The following FAM187B variants were observed in gnomAD, a reference collection of about 807,000 sequenced individuals.
FAM187B encodes the protein family with sequence similarity 187 member B, also known as protein FAM187B.
In FAM187B, 22 loss-of-function variants were observed where a neutral mutation model predicts 22.6. The observed-to-expected ratio is 0.97, with a 90% confidence interval of 0.70 to 1.39. FAM187B has a LOEUF of 1.39. FAM187B is among the 40% of genes most tolerant of loss of function. The pLI, the probability that FAM187B is intolerant of heterozygous loss-of-function variation, is 0.00. For synonymous variants in FAM187B, 192 were observed against 201.8 expected (o/e 0.95, Z 0.41); for missense variants, 433 against 462.1 (o/e 0.94, Z 0.58).
Position 35,228,651 on chromosome 19 carries a change from G to A in FAM187B, c.30C>T (p.His10=). The part of the protein sequence containing the change: MPPMLWLLL[H]FAAPALGFYF... ...AGAACCCCAGTGCCGGGGCAGCAAA[G>A]TGGAGCAGCAGCCACAGCATGGGTG... The change falls in exon 1 of 2, where the codon CAC becomes CAT. Residue 10 remains histidine (H), a synonymous_variant. Transcript: ENST00000324675. The A allele has an allele frequency of 6.2e-7, 1 of 1,611,940 alleles. No individual in the cohort carries two copies. The highest frequency in any genetic ancestry group is 8.5e-7 in the Non-Finnish European group (1 of 1,179,432).
intron 1 of FAM187B, among the ~76,000 whole-genome samples, chr19:35,227,366 C>T (rs999035123): frequency 7.9e-5 from 12 of 152,006 alleles, no homozygotes; most frequent in African/African-American, 2.9e-4. Flanking sequence ...ATTACAGGCA[C>T]GTGCCACCAT....
chr19:35,226,771 C>T (rs1047188210), intron 1 of FAM187B, among the ~76,000 whole-genome samples: 3 of 152,234 alleles, frequency 2.0e-5, no homozygotes, highest in East Asian at 1.9e-4. Context: ...TAACACATCA[C>T]AATGACCCTG....
chr19:35,226,711 G>A (rs2065662704), intron 1 of FAM187B, among the ~76,000 whole-genome samples: 1 of 152,118 alleles, frequency 6.6e-6, no homozygotes, highest in South Asian at 2.1e-4. Context: ...GTACATTGTG[G>A]AACTTCTTAT....
chr19:35,228,614 T>TTTTACC lies in FAM187B; in HGVS notation c.66_67insGGTAAA (p.Ile22_Ser23insGlyLys). 1 of 1,613,914 alleles carries TTTTACC rather than the reference T, an allele frequency of 6.2e-7. No homozygotes were observed. The highest frequency in any genetic ancestry group is 8.5e-7 in the Non-Finnish European group (1 of 1,180,000). On this transcript the variant is annotated inframe_insertion, in exon 1 of 2. Coordinates refer to ENST00000324675, the MANE Select transcript of FAM187B (RefSeq NM_152481.2). Reference sequence around the variant, plus strand: ...TGGCACTGCTTACCACTGGGGCAGCTGATGGAAAAGTAGAACCCCAGTGCC... The same window carrying TTTTACC: ...TGGCACTGCTTACCACTGGGGCAGCTTTTACCGATGGAAAAGTAGAACCCCAGTGCC...
At chr19:35,227,842 T>A (rs2065666005) in intron 1 of FAM187B, 117 bp downstream of exon 1, 1 of 1,446,826 alleles carries the variant, frequency 6.9e-7, no homozygotes, top group Non-Finnish European at 9.3e-7. Flanking sequence ...ACTGTCCTGA[T>A]GACCACTACG....
rs769850181 is a variant in FAM187B at position 35,224,802 on chromosome 19, C to T, written c.*23G>A. The T allele has an allele frequency of 1.0e-5, 16 of 1,579,220 alleles. No homozygotes were observed. Among genetic ancestry groups the T allele is most frequent in the Admixed American group, 1.8e-5 (1 of 56,618 alleles). ...CTAAGAGAGAACCGGAGGCCGGGTC[C>T]GCTTGTGCACCGGGGGCTCGCTTTA... On this transcript the variant is annotated 3_prime_UTR_variant, in exon 2 of 2. Coordinates refer to ENST00000324675, the MANE Select transcript of FAM187B (RefSeq NM_152481.2).
chr19:35,225,992 T>C (rs191218885), intron 1 of FAM187B, among the ~76,000 whole-genome samples: 1 of 152,260 alleles, frequency 6.6e-6, no homozygotes, highest in African/African-American at 2.4e-5. Context: ...TCCTAGATGT[T>C]CCTCTGACAT....
In FAM187B at chr19:35,228,584, C is replaced by A. The variant is rs151006410; in HGVS notation, c.97G>T (p.Ala33Ser). ...SCPSGKQCQQ[A>S]LLSGNDILLY... ...AGAATATCATTGCCTGAGAGTAGGG[C>A]CTGTTGGCACTGCTTACCACTGGGG... Residue 33 changes from alanine (A) to serine (S), a missense_variant, in exon 1 of 2, where the codon GCC becomes TCC. Coordinates refer to ENST00000324675, the MANE Select transcript of FAM187B (RefSeq NM_152481.2). 155 of 1,614,026 alleles carry A rather than the reference C, an allele frequency of 9.6e-5. No homozygotes were observed. The highest frequency in any genetic ancestry group is 1.7e-4 in the Middle Eastern group (1 of 6,046).
rs1224447621 is a variant in FAM187B, at chr19:35,224,923, G to A, written c.1012C>T (p.Leu338=). The A allele has an allele frequency of 6.2e-7, 1 of 1,613,850 alleles. No homozygotes were observed. Among genetic ancestry groups the A allele is most frequent in the Non-Finnish European group, 8.5e-7 (1 of 1,179,984 alleles). ...AGGGCCAGGACGGTGACCACGAGCAGCACCAGCTTCAGCCCCTTGAGCACG... is the reference window on the plus strand; with the variant it reads ...AGGGCCAGGACGGTGACCACGAGCAACACCAGCTTCAGCCCCTTGAGCACG... ...DSVLKGLKLV[L]LVVTVLALLG... The change falls in exon 2 of 2, where the codon CTG becomes TTG. Residue 338 remains leucine (L), a synonymous_variant. Transcript: ENST00000324675.
At chr19:35,227,219 TG>T (rs139468002) in intron 1 of FAM187B, among the ~76,000 whole-genome samples, 173 of 152,168 alleles carry the variant, frequency 1.1e-3, no homozygotes, top group African/African-American at 3.8e-3. Flanking sequence ...GGGGTTTTTT[TG>T]TTTTTTTGTT....
chr19:35,226,708 G>A (rs1330254766), intron 1 of FAM187B, among the ~76,000 whole-genome samples: 1 of 152,116 alleles, frequency 6.6e-6, no homozygotes, highest in African/African-American at 2.4e-5. Flanking sequence ...TAGGTACATT[G>A]TGGAACTTCT....
chr19:35,227,864 C>T, intron 1 of FAM187B, 95 bp downstream of exon 1: 1 of 1,517,834 alleles, frequency 6.6e-7, no homozygotes, highest in South Asian at 1.3e-5. Context: ...GGCTGAACTG[C>T]AAAGAACGCC....
In FAM187B at chr19:35,225,199, G is replaced by A. The variant is rs761247623; in HGVS notation, c.736C>T (p.Arg246Cys). ...LGSMYRPVNW[R>C]ANDTPLTWES... The stretch of plus-strand genomic sequence containing the variant: ...CACGTCAGGGGGGTGTCGTTGGCAC[G>A]CCAGTTGACGGGCCTGCGAGGAGGA... Residue 246 changes from arginine (R) to cysteine (C), a missense_variant, in exon 2 of 2, where the codon CGT becomes TGT. By Grantham distance (180) the Arg-to-Cys change is radical. Coordinates refer to ENST00000324675, the MANE Select transcript of FAM187B (RefSeq NM_152481.2). The A allele has an allele frequency of 6.0e-6, 9 of 1,498,742 alleles. No homozygotes were observed. Among genetic ancestry groups the A allele is most frequent in the African/African-American group, 1.4e-5 (1 of 72,002 alleles). The allele number at this position is 1,498,742 out of a possible 1,614,324, so 92.8% of individuals were successfully genotyped here.
chr19:35,227,820 G>C, intron 1 of FAM187B, 139 bp downstream of exon 1: 1 of 1,310,128 alleles, frequency 7.6e-7, no homozygotes, highest in Non-Finnish European at 1.0e-6. Flanking sequence ...CTGTTTAAGA[G>C]CAGGGCCTGG....
In FAM187B at chr19:35,228,422, G is replaced by T; in HGVS notation, c.259C>A (p.Pro87Thr). The T allele has an allele frequency of 6.2e-7, 1 of 1,614,152 alleles. No homozygotes were observed. Among genetic ancestry groups the T allele is most frequent in the Middle Eastern group, 1.7e-4 (1 of 6,038 alleles). The stretch of plus-strand genomic sequence containing the variant: ...CAGTGGTAGAGGCCCGTCTGGGAGG[G>T]CAATGGATCTTTAATGAGAAGGCTG... The part of the protein sequence containing the change: ...EGSLLIKDPL[P>T]SQTGLYHCWN... The change falls in exon 1 of 2, where the codon CCC becomes ACC. Residue 87 changes from proline to threonine, a missense_variant. Physicochemically the swap from Pro to Thr is conservative, Grantham distance 38 (BLOSUM62 -1). Transcript: ENST00000324675.
chr19:35,227,926 C>A (rs1240922813), intron 1 of FAM187B, 33 bp downstream of exon 1: 3 of 1,569,700 alleles, frequency 1.9e-6, no homozygotes, highest in Non-Finnish European at 2.6e-6. Context: ...CCGGAAGAAT[C>A]TGGGTAGGGG....
rs760772430 is a variant in FAM187B, at chr19:35,228,061, T to C, written c.620A>G (p.Asn207Ser). ...QVEACHVQCT[N>S]NTQLRVDYVI... ...GTAATCCACCCTTAACTGTGTGTTA[T>C]TGGTGCACTGGACGTGGCAGGCTTC... is the stretch of plus-strand genomic sequence containing the variant. Residue 207 changes from asparagine (N) to serine (S), a missense_variant, in exon 1 of 2, where the codon AAT becomes AGT. Coordinates refer to ENST00000324675, the MANE Select transcript of FAM187B (RefSeq NM_152481.2). The C allele has an allele frequency of 6.2e-6, 10 of 1,614,146 alleles. No individual in the cohort carries two copies. In the African/African-American group the frequency reaches 1.3e-4, roughly 22 times the overall value.
intron 1 of FAM187B, among the ~76,000 whole-genome samples, chr19:35,226,873 A>G (rs928185915): frequency 1.3e-5 from 2 of 152,180 alleles, no homozygotes; most frequent in African/African-American, 2.4e-5. Context: ...ATGTAACATT[A>G]TTTGGAAATT....
In FAM187B at chr19:35,228,340, G is replaced by A. The variant is rs1278870583; in HGVS notation, c.341C>T (p.Thr114Ile). The A allele has an allele frequency of 2.5e-6, 4 of 1,614,078 alleles. No individual in the cohort carries two copies. The highest frequency in any genetic ancestry group is 3.4e-6 in the Non-Finnish European group (4 of 1,180,040). ...VQYEIDFQDV[T>I]TLHITHKDLG... ...GTCCTTGTGTGTTATATGCAGGGTG[G>A]TGACATCCTGAAAGTCAATTTCATA... The change falls in exon 1 of 2, where the codon ACC (threonine) becomes ATC (isoleucine). Residue 114 changes from threonine to isoleucine, a missense_variant. Physicochemically the swap from Thr to Ile is moderately conservative, Grantham distance 89. Coordinates refer to ENST00000324675, the MANE Select transcript of FAM187B (RefSeq NM_152481.2).
Sources: allele counts gnomAD v4.1 joint callset (sites outside exome capture counted in the v4.1 genomes callset), GRCh38; gene constraint gnomAD v4.1.1; transcripts MANE v1.5; gene names NCBI Gene and HGNC (gene_info 2026-07-23, HGNC 2026-07-21).